Variants in RYR1 observed in about 807,000 individuals in gnomAD.
RYR1 encodes the protein ryanodine receptor 1, also known as central core disease of muscle.
A neutral mutation model predicts 583.5 loss-of-function variants in RYR1; 342 were observed. That is an observed-to-expected ratio of 0.59 (90% CI 0.54 to 0.64). RYR1 has a LOEUF of 0.64. Among genes scored for constraint, RYR1 ranks in the 30% least tolerant of loss-of-function variants. The probability of loss-of-function intolerance (pLI) is 0.00; values close to 1 mark genes in which losing one functional copy is unlikely to be tolerated. For missense variants in RYR1, 6,032 were observed against 6,917.2 expected, an observed-to-expected ratio of 0.87 and a Z score of 4.54; for synonymous variants, 2,791 against 2,822.5, an observed-to-expected ratio of 0.99 and a Z score of 0.35.
In RYR1 at chr19:38,502,751, T is replaced by TGGGGCAGGGGCAGGGGCAGGGGCA. The variant is rs71165552; in HGVS notation, c.7835+59_7836-71dup. Reference sequence around the variant, plus strand: ...AGGTGGAGCGGGGCAGGCTTCAGGGTGGGGCAGGGGCAGGGGCAGGGGCAG... The same window carrying TGGGGCAGGGGCAGGGGCAGGGGCA: ...AGGTGGAGCGGGGCAGGCTTCAGGGTGGGGCAGGGGCAGGGGCAGGGGCAGGGGCAGGGGCAGGGGCAGGGGCAG... On this transcript the variant is annotated intron_variant, in intron 48 of 105. Transcript: ENST00000359596. The TGGGGCAGGGGCAGGGGCAGGGGCA allele has an allele frequency of 6.2e-3, 6,446 of 1,045,948 alleles. 124 individuals carry two copies. Among genetic ancestry groups the TGGGGCAGGGGCAGGGGCAGGGGCA allele is most frequent in the South Asian group, 0.013 (940 of 71,804 alleles). 64.8% of individuals were successfully genotyped at this position (1,045,948 alleles called of 1,614,324 possible).
chr19:38,529,014 C>T lies in RYR1; in HGVS notation c.11098C>T (p.Gln3700Ter), dbSNP rs747300616. Residue 3700 changes from glutamine to a stop codon, truncating the protein, a stop_gained, in exon 76 of 106, where the codon CAG becomes TAG. Transcript: ENST00000359596. LOFTEE classifies it high-confidence loss of function. ...VEEKKPDPLH[Q>*]LVLHFSRTAL... is the part of the protein sequence containing the mutation. Reference sequence around the variant, plus strand: ...AGAGAAGAAGCCAGACCCCCTGCACCAGTTGGTCCTGCACTTCAGCCGCAC... The same window carrying T: ...AGAGAAGAAGCCAGACCCCCTGCACTAGTTGGTCCTGCACTTCAGCCGCAC... 6.2e-7 allele frequency: 1 copy of T among 1,613,960 alleles called. No homozygotes were observed. Among genetic ancestry groups the T allele is most frequent in the East Asian group, 2.2e-5 (1 of 44,876 alleles).
chr19:38,486,318 C>G, intron 34 of RYR1, 116 bp downstream of exon 34: 1 of 1,227,600 alleles, frequency 8.1e-7, no homozygotes, highest in Non-Finnish European at 1.2e-6. Context: ...TTCATTCCCT[C>G]CTCTATACAT....
At chr19:38,577,167 C>G (rs1392282836) in intron 97 of RYR1, among the ~76,000 whole-genome samples, 1 of 151,966 alleles carries the variant, frequency 6.6e-6, no homozygotes, top group African/African-American at 2.4e-5. Context: ...ATTACAGGCA[C>G]GAGCCACCGC....
intron 101 of RYR1, among the ~76,000 whole-genome samples, chr19:38,583,751 C>T (rs978655586): frequency 6.6e-6 from 1 of 152,042 alleles, no homozygotes; most frequent in African/African-American, 2.4e-5. Context: ...ACCTGATGTT[C>T]TCTCTGTCCC....
rs566073471 is a variant in RYR1, at chr19:38,474,187, C to T, written c.4160+416C>T. The stretch of plus-strand genomic sequence containing the variant: ...CTTTCTGTGTCACAAATGTACCCCC[C>T]GAAATCTAACTTAAAGGGAGATTCT... On this transcript the variant is annotated intron_variant, in intron 28 of 105. Coordinates refer to ENST00000359596, the MANE Select transcript of RYR1 (RefSeq NM_000540.3). Among the ~76,000 whole-genome samples the T allele has an allele frequency of 1.5e-3, 228 of 152,286 alleles. 1 individual carries two copies. Among genetic ancestry groups the T allele is most frequent in the Non-Finnish European group, 1.8e-3 (124 of 68,020 alleles).
intron 93 of RYR1, among the ~76,000 whole-genome samples, chr19:38,569,307 G>A (rs895517382): frequency 3.9e-5 from 6 of 151,980 alleles, no homozygotes; most frequent in South Asian, 2.1e-4. Context: ...GCACCTGGCC[G>A]AATATTTTTA....
rs553574650 is a variant in RYR1 at position 38,509,752 on chromosome 19, C to T, written c.8933-746C>T. On this transcript the variant is annotated intron_variant, in intron 58 of 105. Coordinates refer to ENST00000359596, the MANE Select transcript of RYR1 (RefSeq NM_000540.3). ...GATTACAGGCGTGAGCCACTGCGCC[C>T]GGCCCAGTATTATTATTTTAATAGT... 2.0e-4 allele frequency among the ~76,000 whole-genome samples: 30 copies of T among 152,236 alleles called. 1 individual carries two copies. Among genetic ancestry groups the T allele is most frequent in the African/African-American group, 5.5e-4 (23 of 41,542 alleles).
At chr19:38,538,227 G>A (rs1388424979) in intron 84 of RYR1, among the ~76,000 whole-genome samples, 1 of 151,986 alleles carries the variant, frequency 6.6e-6, no homozygotes, top group East Asian at 1.9e-4. Flanking sequence ...GTGAAACCCC[G>A]TCTCTACTAA....
rs1972303939 is a variant in RYR1, at chr19:38,543,734, G to T, written c.11908-37G>T. 2.5e-6 allele frequency: 4 copies of T among 1,611,370 alleles called. No homozygotes were observed. Among genetic ancestry groups the T allele is most frequent in the Non-Finnish European group, 3.4e-6 (4 of 1,179,968 alleles). ...TCGTGATCCCTGATCCCTTCTCGGGGATTCCCTTCCCCCCCACACGGCACT... is the reference window on the plus strand; with the variant it reads ...TCGTGATCCCTGATCCCTTCTCGGGTATTCCCTTCCCCCCCACACGGCACT... On this transcript the variant is annotated intron_variant, in intron 86 of 105. Coordinates refer to ENST00000359596, the MANE Select transcript of RYR1 (RefSeq NM_000540.3). The surrounding 1 kb of genome is among the most constrained non-coding windows in gnomAD (Gnocchi z 4.4).
rs1269790694 is a variant in RYR1, at chr19:38,473,646, G to A, written c.4035G>A (p.Glu1345=). The A allele has an allele frequency of 1.9e-6, 3 of 1,557,112 alleles. No individual in the cohort carries two copies. Among genetic ancestry groups the A allele is most frequent in the South Asian group, 1.2e-5 (1 of 84,736 alleles). The stretch of plus-strand genomic sequence containing the variant: ...CAGCTGGGGGCTGGAGCGAGGCAGA[G>A]AACGGCAAAGAAGGGACTGCGAAGG... ...RRSAGGWSEA[E]NGKEGTAKEG... The change falls in exon 28 of 106, where the codon GAG becomes GAA. Residue 1345 remains glutamate, a synonymous_variant. Coordinates refer to ENST00000359596, the MANE Select transcript of RYR1 (RefSeq NM_000540.3).
intron 27 of RYR1, among the ~76,000 whole-genome samples, chr19:38,472,281 A>G (rs1176280246): frequency 6.6e-6 from 1 of 151,946 alleles, no homozygotes; most frequent in Non-Finnish European, 1.5e-5. Context: ...TTGTATTTTT[A>G]GTACAGATGA....
intron 27 of RYR1, among the ~76,000 whole-genome samples, chr19:38,472,674 T>C (rs1968484902): frequency 6.6e-6 from 1 of 150,974 alleles, no homozygotes; most frequent in South Asian, 2.1e-4. Flanking sequence ...ACTCAGGAGA[T>C]TGAGACCAGC....
chr19:38,502,984 C>T lies in RYR1; in HGVS notation c.7926+14C>T, dbSNP rs1970265303. 4 of 1,606,192 alleles carry T rather than the reference C, an allele frequency of 2.5e-6. No individual in the cohort carries two copies. The highest frequency in any genetic ancestry group is 3.4e-6 in the Non-Finnish European group (4 of 1,179,762). On this transcript the variant is annotated intron_variant, in intron 49 of 105. Transcript: ENST00000359596. ...ATGCCACTCAAGGTGAGGGCAAGCG[C>T]TCTTTAGCATCTCATTTCCAGGCCG...
At chr19:38,458,368 T>C in intron 18 of RYR1, 76 bp downstream of exon 18, 1 of 1,485,074 alleles carries the variant, frequency 6.7e-7, no homozygotes. Flanking sequence ...CCATACACCT[T>C]GGGGTTCTCA....
chr19:38,502,916 C>A lies in RYR1; in HGVS notation c.7872C>A (p.Arg2624=), dbSNP rs1469698. The change falls in exon 49 of 106, where the codon CGC becomes CGA. Residue 2624 remains arginine, a synonymous_variant. Coordinates refer to ENST00000359596, the MANE Select transcript of RYR1 (RefSeq NM_000540.3). ...CGTCGATGCTGCAGCACCTGTTGCGCCGCCTGGTGTTCGACGTGCCCATCC... is the reference window on the plus strand; with the variant it reads ...CGTCGATGCTGCAGCACCTGTTGCGACGCCTGGTGTTCGACGTGCCCATCC... ...IRPSMLQHLL[R]RLVFDVPILN... The A allele has an allele frequency of 2.1e-5, 34 of 1,611,452 alleles. No homozygotes were observed. The highest frequency in any genetic ancestry group is 2.9e-5 in the Non-Finnish European group (34 of 1,179,926).
At chr19:38,535,880 G>A (rs558348087) in intron 81 of RYR1, 117 bp from the exon 82 acceptor site, 52 of 858,562 alleles carry the variant, frequency 6.1e-5, no homozygotes, top group African/African-American at 2.0e-4. Context: ...TGATTTCAGC[G>A]CATAGATGGT....
chr19:38,452,927 C>A lies in RYR1; in HGVS notation c.1353C>A (p.Phe451Leu). Residue 451 changes from phenylalanine (F) to leucine (L), a missense_variant, in exon 13 of 106, where the codon TTC becomes TTA. By Grantham distance (22) the Phe-to-Leu change is conservative (BLOSUM62 0). Transcript: ENST00000359596. ...GCCTGCAGGACCTCATCATCTACTT[C>A]GAGCCTCCCTCCGAGGACTTGCAGC... ...ILSLQDLIIY[F>L]EPPSEDLQHE... 1 of 1,613,936 alleles carries A rather than the reference C, an allele frequency of 6.2e-7. No individual in the cohort carries two copies.
At chr19:38,583,018 C>T (rs984314366) in intron 101 of RYR1, among the ~76,000 whole-genome samples, 2 of 152,092 alleles carry the variant, frequency 1.3e-5, no homozygotes, top group Non-Finnish European at 2.9e-5. Context: ...AAGTGTATGC[C>T]GGGCGCTGTG....
Position 38,565,144 on chromosome 19 carries a change from GGGCGCGGAA to G in RYR1, c.12819_12827del (p.Gly4274_Glu4276del), listed in dbSNP as rs1280966006. ...ACGAGGGCGCGGGCGCGGCGGAGGCGGGCGCGGAAGGCGCGGAGGAGGGCGCGGCGGGGC... is the reference window on the plus strand; with the variant it reads ...ACGAGGGCGCGGGCGCGGCGGAGGCGGGCGCGGAGGAGGGCGCGGCGGGGC... On this transcript the variant is annotated inframe_deletion, in exon 91 of 106. Coordinates refer to ENST00000359596, the MANE Select transcript of RYR1 (RefSeq NM_000540.3). The surrounding 1 kb of genome is among the most constrained non-coding windows in gnomAD (Gnocchi z 4.7). 5.9e-6 allele frequency: 9 copies of G among 1,521,086 alleles called. No homozygotes were observed. The highest frequency in any genetic ancestry group is 7.0e-6 in the Non-Finnish European group (8 of 1,138,268). The allele number at this position is 1,521,086 out of a possible 1,614,324, so 94.2% of individuals were successfully genotyped here.
Sources: gnomAD v4.1 joint callset for allele counts (sites outside exome capture counted in the v4.1 genomes callset) on GRCh38, gnomAD v4.1.1 for gene constraint, Gnocchi (gnomAD v3.1) non-coding constraint, MANE v1.5 for transcripts, NCBI Gene and HGNC (gene_info 2026-07-23, HGNC 2026-07-21) for gene names.